The following BMPR1A variants were observed in gnomAD, a reference collection of about 807,000 sequenced individuals.
BMPR1A encodes bone morphogenetic protein receptor type-1A.
BMPR1A carries 7 observed loss-of-function variants against 66.0 expected under a neutral mutation model. The observed-to-expected ratio is 0.11, with a 90% confidence interval of 0.06 to 0.20. The LOEUF (loss-of-function observed/expected upper bound fraction) is 0.20. BMPR1A is among the 10% of genes least tolerant of loss of function. The pLI, the probability that BMPR1A is intolerant of heterozygous loss-of-function variation, is 1.00. For synonymous variants in BMPR1A, 200 were observed against 229.7 expected, an observed-to-expected ratio of 0.87 and a Z score of 1.17; for missense variants, 408 against 669.1, an observed-to-expected ratio of 0.61 and a Z score of 4.31.
chr10:86,832,371 CAGGAGAA>C (rs1276321405), intron 1 of BMPR1A, among the ~76,000 whole-genome samples: 3 of 150,940 alleles, frequency 2.0e-5, no homozygotes, highest in Non-Finnish European at 4.4e-5. Context: ...GAGGCTGAGG[CAGGAGAA>C]TTGCTTGAAC....
At chr10:86,791,307 G>A (rs963318614) in intron 1 of BMPR1A, among the ~76,000 whole-genome samples, 1 of 151,812 alleles carries the variant, frequency 6.6e-6, no homozygotes, top group Non-Finnish European at 1.5e-5. Context: ...CCGCCTCCTG[G>A]GTTCAAGCAA....
intron 1 of BMPR1A, among the ~76,000 whole-genome samples, chr10:86,792,187 C>T (rs531505068): frequency 4.0e-5 from 6 of 151,368 alleles, no homozygotes; most frequent in Non-Finnish European, 8.8e-5. Context: ...CCTACCTCAG[C>T]CTCCCGAGTA....
At chr10:86,761,787 C>T (rs1175450342) in intron 1 of BMPR1A, among the ~76,000 whole-genome samples, 1 of 152,160 alleles carries the variant, frequency 6.6e-6, no homozygotes, top group Non-Finnish European at 1.5e-5. Context: ...GCAAGAACAA[C>T]TCCTGGATTT....
At chr10:86,919,656 C>A (rs1004430277) in intron 10 of BMPR1A, among the ~76,000 whole-genome samples, 187 bp downstream of exon 10, 26 of 150,756 alleles carry the variant, frequency 1.7e-4, no homozygotes, top group African/African-American at 6.1e-4. Flanking sequence ...ATACATAATT[C>A]TTGATATATA....
At chr10:86,773,685 A>G (rs117165809) in intron 1 of BMPR1A, among the ~76,000 whole-genome samples, 5,394 of 152,000 alleles carry the variant, frequency 0.035, 105 homozygotes, top group Middle Eastern at 0.085. Context: ...AATGGAATCT[A>G]AACACTGAAA....
rs548399795 is a variant in BMPR1A at position 86,913,944 on chromosome 10, G to A, written c.675+1560G>A. ...TATGGAAATGCAAAGGACTAGAAGAGCCAAAACAATTTTGAAGTAGAAGAA... is the reference window on the plus strand; with the variant it reads ...TATGGAAATGCAAAGGACTAGAAGAACCAAAACAATTTTGAAGTAGAAGAA... On this transcript the variant is annotated intron_variant, in intron 8 of 12. Coordinates refer to ENST00000372037, the MANE Select transcript of BMPR1A (RefSeq NM_004329.3). Among the ~76,000 whole-genome samples the A allele has an allele frequency of 2.6e-5, 4 of 152,154 alleles. No individual in the cohort carries two copies. The East Asian group carries it at 7.7e-4, about 29-fold the overall frequency.
chr10:86,927,574 T>C lies in BMPR1A; in HGVS notation c.*3855T>C, dbSNP rs962212888. Reference sequence around the variant, plus strand: ...ATGATGGTCCCATAAGGAAAGTATGTGAATATGGCTCTTGTAAAGGATTAA... The same window carrying C: ...ATGATGGTCCCATAAGGAAAGTATGCGAATATGGCTCTTGTAAAGGATTAA... On this transcript the variant is annotated 3_prime_UTR_variant, in exon 13 of 13. Coordinates refer to ENST00000372037, the MANE Select transcript of BMPR1A (RefSeq NM_004329.3). 2 of 199,704 alleles carry C rather than the reference T, an allele frequency of 1.0e-5. No individual in the cohort carries two copies. The highest frequency in any genetic ancestry group is 2.1e-5 in the Non-Finnish European group (2 of 96,878). The allele number at this position is 199,704 out of a possible 1,614,324, so 12.4% of individuals were successfully genotyped here.
At chr10:86,767,780 T>C (rs780296415) in intron 1 of BMPR1A, among the ~76,000 whole-genome samples, 1 of 152,090 alleles carries the variant, frequency 6.6e-6, no homozygotes, top group Non-Finnish European at 1.5e-5. Flanking sequence ...CCCAAAGAAC[T>C]CAATTGTCAT....
chr10:86,879,492 T>C (rs1842960166), intron 3 of BMPR1A, among the ~76,000 whole-genome samples: 1 of 152,178 alleles, frequency 6.6e-6, no homozygotes. Flanking sequence ...AGACCCTTAA[T>C]GTGTGTGTAC....
chr10:86,909,633 A>G (rs1009953192), intron 7 of BMPR1A, among the ~76,000 whole-genome samples: 4 of 152,036 alleles, frequency 2.6e-5, no homozygotes, highest in African/African-American at 9.7e-5. Context: ...TAAATATTAA[A>G]TAAGCTTCAA....
At chr10:86,756,338 G>A (rs1843438522), upstream of BMPR1A, 1 of 152,054 alleles carries the variant, frequency 6.6e-6, no homozygotes, top group African/African-American at 2.4e-5. Context: ...CCCGCGCGGA[G>A]GAGCAGCCCC....
chr10:86,785,235 T>C (rs1841498681), intron 1 of BMPR1A, among the ~76,000 whole-genome samples: 1 of 152,248 alleles, frequency 6.6e-6, no homozygotes, highest in Admixed American at 6.5e-5. Flanking sequence ...TAACATGTGA[T>C]CTGTCTTGGA....
At chr10:86,856,349 AGAG>A in intron 2 of BMPR1A, 1 of 397,060 alleles carries the variant, frequency 2.5e-6, no homozygotes, top group Non-Finnish European at 4.9e-6. Flanking sequence ...GCCATGGGAG[AGAG>A]TAGTCTGCGG....
rs55804247 is a variant in BMPR1A at position 86,835,549 on chromosome 10, C to CAAAAAAAAAAAAAAAAA, written c.-267-3293_-267-3277dup. Among the ~76,000 whole-genome samples the CAAAAAAAAAAAAAAAAA allele has an allele frequency of 6.5e-4, 29 of 44,336 alleles. 3 individuals are homozygous for CAAAAAAAAAAAAAAAAA. Among genetic ancestry groups the CAAAAAAAAAAAAAAAAA allele is most frequent in the Admixed American group, 9.8e-4 (3 of 3,062 alleles). 29.1% of individuals were successfully genotyped at this position (44,336 alleles called of 152,430 possible). ...CTGGGTGACAAGCAAGACTCTGTATCAAAAAAAAAAAAAAAAAAAAAAAAA... is the reference window on the plus strand; with the variant it reads ...CTGGGTGACAAGCAAGACTCTGTATCAAAAAAAAAAAAAAAAAAAAAAAAAAAAAAAAAAAAAAAAAA... On this transcript the variant is annotated intron_variant, in intron 1 of 12. Transcript: ENST00000372037.
intron 2 of BMPR1A, among the ~76,000 whole-genome samples, chr10:86,848,783 C>A (rs1842522490): frequency 6.6e-6 from 1 of 152,142 alleles, no homozygotes; most frequent in South Asian, 2.1e-4. Context: ...CCTCTGTCTC[C>A]TGATGGTCTG....
chr10:86,889,595 C>G (rs1843118178), intron 3 of BMPR1A: 1 of 168,976 alleles, frequency 5.9e-6, no homozygotes, highest in Non-Finnish European at 1.3e-5. Flanking sequence ...GGGGAGAGAC[C>G]ACGGTCACGA....
intron 1 of BMPR1A, among the ~76,000 whole-genome samples, chr10:86,805,377 T>TACGCACACACACACACACAC (rs1554880397): frequency 2.5e-4 from 36 of 143,058 alleles, no homozygotes; most frequent in Middle Eastern, 3.5e-3. Flanking sequence ...CTCCTACCTG[T>TACGCACACACACACACACAC]ACACACACAC....
chr10:86,783,948 A>T (rs1414715837), intron 1 of BMPR1A, among the ~76,000 whole-genome samples: 1 of 152,144 alleles, frequency 6.6e-6, no homozygotes, highest in African/African-American at 2.4e-5. Flanking sequence ...AATGCAACTT[A>T]TTTTTGTGTG....
intron 2 of BMPR1A, among the ~76,000 whole-genome samples, chr10:86,869,586 A>G (rs1842827842): frequency 6.6e-6 from 1 of 152,074 alleles, no homozygotes; most frequent in South Asian, 2.1e-4. Context: ...GAGAAACTCC[A>G]TCTCTACTAA....
Sources: gnomAD v4.1 joint callset for allele counts (sites outside exome capture counted in the v4.1 genomes callset) on GRCh38, gnomAD v4.1.1 for gene constraint, MANE v1.5 for transcripts, NCBI Gene and HGNC (gene_info 2026-07-23, HGNC 2026-07-21) for gene names.